ADAMTSL1: variants seen among roughly 807,000 people sequenced by gnomAD.
ADAMTSL1 encodes ADAMTS like 1.
A neutral mutation model predicts 201.8 loss-of-function variants in ADAMTSL1; 126 were observed. That is an observed-to-expected ratio of 0.62 (90% CI 0.54 to 0.72). The LOEUF is 0.72. ADAMTSL1 is among the 30% of genes least tolerant of loss of function. The pLI is 0.00. For synonymous variants in ADAMTSL1, 1,121 were observed against 903.4 expected, an observed-to-expected ratio of 1.24 and a Z score of -4.32; for missense variants, 2,679 against 2,277.8, an observed-to-expected ratio of 1.18 and a Z score of -3.59.
chr9:18,699,640 G>C (rs752826575), intron 13 of ADAMTSL1, among the ~76,000 whole-genome samples: 51 of 152,226 alleles, frequency 3.4e-4, no homozygotes, highest in Non-Finnish European at 5.9e-5. Flanking sequence ...ACTTTAATAT[G>C]TTTTTTAAAT....
chr9:18,896,317 G>C (rs780209420), intron 26 of ADAMTSL1, among the ~76,000 whole-genome samples: 1 of 152,110 alleles, frequency 6.6e-6, no homozygotes, highest in Non-Finnish European at 1.5e-5. Context: ...AAAGCAGCAA[G>C]AAAAGCAACT....
At chr9:18,083,721 C>T (rs1193149785) in intron 1 of ADAMTSL1, among the ~76,000 whole-genome samples, 2 of 152,152 alleles carry the variant, frequency 1.3e-5, no homozygotes, top group Non-Finnish European at 2.9e-5. Flanking sequence ...TGGACAACCT[C>T]GTCCATAAGA....
At chr9:18,322,763 T>A (rs1414915739) in intron 2 of ADAMTSL1, among the ~76,000 whole-genome samples, 1 of 152,234 alleles carries the variant, frequency 6.6e-6, no homozygotes, top group South Asian at 2.1e-4. Context: ...GATCCATAGA[T>A]AGTAAAATGA....
At chr9:18,141,795 C>A (rs1168828942) in intron 1 of ADAMTSL1, among the ~76,000 whole-genome samples, 1 of 152,198 alleles carries the variant, frequency 6.6e-6, no homozygotes, top group East Asian at 1.9e-4. Flanking sequence ...GACTCTTTCA[C>A]CAACAGGCGT....
intron 2 of ADAMTSL1, among the ~76,000 whole-genome samples, chr9:18,385,385 A>G (rs1413708334): frequency 2.0e-5 from 3 of 152,160 alleles, no homozygotes; most frequent in Admixed American, 2.0e-4. Context: ...GGTTAAATGA[A>G]TGAAGTGTCT....
At chr9:18,647,024 T>C (rs1827857861) in intron 7 of ADAMTSL1, among the ~76,000 whole-genome samples, 1 of 152,140 alleles carries the variant, frequency 6.6e-6, no homozygotes, top group Non-Finnish European at 1.5e-5. Context: ...GGTCCTGGAC[T>C]CTTTTTGGTT....
intron 1 of ADAMTSL1, among the ~76,000 whole-genome samples, chr9:17,995,320 A>G (rs1819325862): frequency 6.6e-6 from 1 of 152,094 alleles, no homozygotes; most frequent in Non-Finnish European, 1.5e-5. Context: ...CATGGGGATT[A>G]GGGAGGTATT....
chr9:18,003,532 C>T (rs1819695968), intron 1 of ADAMTSL1, among the ~76,000 whole-genome samples: 1 of 152,066 alleles, frequency 6.6e-6, no homozygotes, highest in Non-Finnish European at 1.5e-5. Context: ...TTTACTGCAA[C>T]ATGAATCAGC....
chr9:18,193,689 C>T (rs1245365166), intron 2 of ADAMTSL1, among the ~76,000 whole-genome samples: 1 of 152,114 alleles, frequency 6.6e-6, no homozygotes, highest in East Asian at 1.9e-4. Context: ...AAAGGACAGG[C>T]CGTCTGTTTG....
At chr9:18,725,014 C>G (rs965424721) in intron 15 of ADAMTSL1, among the ~76,000 whole-genome samples, 1 of 152,060 alleles carries the variant, frequency 6.6e-6, no homozygotes, top group Non-Finnish European at 1.5e-5. Context: ...TTACACCATT[C>G]TCCTGCTTCA....
At chr9:18,308,265 A>G (rs1833984416) in intron 2 of ADAMTSL1, among the ~76,000 whole-genome samples, 1 of 152,152 alleles carries the variant, frequency 6.6e-6, no homozygotes, top group African/African-American at 2.4e-5. Context: ...TCAATACCCT[A>G]ATATCACAAT....
chr9:18,003,303 C>T (rs1373996060), intron 1 of ADAMTSL1, among the ~76,000 whole-genome samples: 1 of 151,972 alleles, frequency 6.6e-6, no homozygotes, highest in Non-Finnish European at 1.5e-5. Context: ...AAACAAAAAT[C>T]TGATTCACCC....
chr9:18,740,478 C>CTTTT (rs11449360), intron 15 of ADAMTSL1, among the ~76,000 whole-genome samples: 8 of 105,676 alleles, frequency 7.6e-5, no homozygotes, highest in African/African-American at 1.5e-4. Context: ...TTTCTTTTAT[C>CTTTT]TTTTTTTTTT....
chr9:17,992,164 C>T (rs1442367533), intron 1 of ADAMTSL1, among the ~76,000 whole-genome samples: 1 of 152,114 alleles, frequency 6.6e-6, no homozygotes, highest in African/African-American at 2.4e-5. Context: ...TCCCACACCC[C>T]TGTCCAGGTT....
chr9:18,077,178 G>A (rs1823270813), intron 1 of ADAMTSL1, among the ~76,000 whole-genome samples: 1 of 152,150 alleles, frequency 6.6e-6, no homozygotes, highest in Non-Finnish European at 1.5e-5. Context: ...TAAAATTAGT[G>A]ATAGCATATA....
chr9:18,559,770 A>G (rs564303375), intron 3 of ADAMTSL1, among the ~76,000 whole-genome samples: 23 of 152,238 alleles, frequency 1.5e-4, no homozygotes, highest in African/African-American at 5.5e-4. Context: ...CTTTGTAGCA[A>G]TTGTGAATGA....
At chr9:18,772,128 G>A (rs754487148) in intron 17 of ADAMTSL1, among the ~76,000 whole-genome samples, 3 of 152,148 alleles carry the variant, frequency 2.0e-5, no homozygotes, top group Admixed American at 6.5e-5. Flanking sequence ...CAATTTTTCC[G>A]TGGGAATGTT....
intron 26 of ADAMTSL1, among the ~76,000 whole-genome samples, chr9:18,899,687 A>C (rs538413910): frequency 1.4e-4 from 22 of 152,192 alleles, no homozygotes; most frequent in Non-Finnish European, 2.9e-4. Context: ...CGAGTAATGG[A>C]GAAAGGACTC....
intron 4 of ADAMTSL1, among the ~76,000 whole-genome samples, chr9:18,583,690 G>A (rs7023698): frequency 0.65 from 98,099 of 152,022 alleles, 32,622 homozygotes; most frequent in African/African-American, 0.81. Context: ...AGGAGGCTGT[G>A]CCCTGCAGAG....
Sources: gnomAD v4.1 joint callset for allele counts (sites outside exome capture counted in the v4.1 genomes callset) on GRCh38, gnomAD v4.1.1 for gene constraint, MANE v1.5 for transcripts, NCBI Gene and HGNC (gene_info 2026-07-23, HGNC 2026-07-21) for gene names.